Variants in SMARCA2 observed in about 807,000 individuals in gnomAD.
SMARCA2 encodes SWI/SNF related BAF chromatin remodeling complex subunit ATPase 2.
A neutral mutation model predicts 199.8 loss-of-function variants in SMARCA2; 61 were observed. The observed-to-expected ratio is 0.31, with a 90% CI of 0.25 to 0.38. The LOEUF is 0.38. Ranked by LOEUF, SMARCA2 falls within the 10% of genes least tolerant of loss-of-function variation. The probability of loss-of-function intolerance (pLI) is 1.00; values close to 1 mark genes in which losing one functional copy is unlikely to be tolerated. For missense variants in SMARCA2, 1,344 were observed against 2,012.2 expected (o/e 0.67, Z 6.35); for synonymous variants, 935 against 732.0 (o/e 1.28, Z -4.48).
At chr9:2,050,610 G>A (rs949644203) in intron 5 of SMARCA2, among the ~76,000 whole-genome samples, 1 of 151,590 alleles carries the variant, frequency 6.6e-6, no homozygotes, top group Non-Finnish European at 1.5e-5. Context: ...AGCAGGCATA[G>A]GCTGCTTACC....
At chr9:2,180,516 T>G (rs1826950390) in intron 29 of SMARCA2, among the ~76,000 whole-genome samples, 2 of 152,200 alleles carry the variant, frequency 1.3e-5, no homozygotes, top group East Asian at 1.9e-4. Flanking sequence ...TAGAATCACC[T>G]TCTGAAATTT....
chr9:2,160,154 G>T, intron 27 of SMARCA2: 1 of 511,838 alleles, frequency 2.0e-6, no homozygotes, highest in Non-Finnish European at 3.4e-6. Context: ...AGTGTGTTTA[G>T]CTGTATAGTG....
intron 28 of SMARCA2, among the ~76,000 whole-genome samples, chr9:2,162,147 T>C (rs923604905): frequency 8.5e-5 from 13 of 152,304 alleles, no homozygotes; most frequent in African/African-American, 3.1e-4. Flanking sequence ...GTTTAAAATA[T>C]CTAAATTAGA....
chr9:2,078,656 A>G (rs1259939889), intron 14 of SMARCA2, among the ~76,000 whole-genome samples: 1 of 151,800 alleles, frequency 6.6e-6, no homozygotes, highest in East Asian at 2.0e-4. Context: ...TAAAAATTAA[A>G]AAAGGAGGCC....
rs1460491864 is a variant in SMARCA2 at position 2,169,305 on chromosome 9, A to G, written c.4200-1114A>G. ...TGAGGCACCTAACTTGTCATTTCAT[A>G]TTGTAACTTTAGAACTCTTCACAGC... On this transcript the variant is annotated intron_variant, in intron 28 of 33. Transcript: ENST00000349721. This position sits in a 1 kb window ranked among gnomAD's most constrained non-coding sequence, Gnocchi z 6.5. Among the ~76,000 whole-genome samples, 2 of 152,170 alleles carry G rather than the reference A, an allele frequency of 1.3e-5. No homozygotes were observed. The highest frequency in any genetic ancestry group is 2.4e-5 in the African/African-American group (1 of 41,514).
At chr9:2,027,792 G>C (rs1384854754) in intron 1 of SMARCA2, 2 of 152,268 alleles carry the variant, frequency 1.3e-5, no homozygotes, top group Non-Finnish European at 2.9e-5. Context: ...AAATCACTTA[G>C]GGTATGTCAT....
chr9:2,184,628 C>G (rs7871422), intron 31 of SMARCA2, among the ~76,000 whole-genome samples: 21,524 of 152,062 alleles, frequency 0.14, 1,638 homozygotes, highest in South Asian at 0.26. Context: ...GCTAGGATTA[C>G]AGGTGTGAGT....
chr9:2,016,846 C>G lies in SMARCA2; in HGVS notation c.-37+1442C>G, dbSNP rs1280800065. Among the ~76,000 whole-genome samples the G allele has an allele frequency of 2.0e-5, 3 of 152,214 alleles. No individual in the cohort carries two copies. Among genetic ancestry groups the G allele is most frequent in the African/African-American group, 7.2e-5 (3 of 41,460 alleles). Reference sequence around the variant, plus strand: ...CCACCCGGCCGTCTTCCCTTCCTCCCGTTTGCGTTGCAAAACACGGCCATG... The same window carrying G: ...CCACCCGGCCGTCTTCCCTTCCTCCGGTTTGCGTTGCAAAACACGGCCATG... On this transcript the variant is annotated intron_variant, in intron 1 of 33. Transcript: ENST00000349721. This position sits in a 1 kb window ranked among gnomAD's most constrained non-coding sequence, Gnocchi z 5.6.
In SMARCA2 at chr9:2,016,100, T is replaced by G. The variant is rs1317860991; in HGVS notation, c.-37+696T>G. ...TGAGCGGATCGCAGCGGGAGAAGCC[T>G]GAGCTGACGCGCGAAGGAGGTAGCG... is the stretch of plus-strand genomic sequence containing the variant. On this transcript the variant is annotated intron_variant, in intron 1 of 33. Coordinates refer to ENST00000349721, the MANE Select transcript of SMARCA2 (RefSeq NM_003070.5). This position sits in a 1 kb window ranked among gnomAD's most constrained non-coding sequence, Gnocchi z 5.6. The G allele has an allele frequency of 2.0e-5, 3 of 152,262 alleles. No individual in the cohort carries two copies. Among genetic ancestry groups the G allele is most frequent in the African/African-American group, 7.2e-5 (3 of 41,442 alleles). The allele number at this position is 152,262 out of a possible 1,614,324, so 9.4% of individuals were successfully genotyped here.
At chr9:2,062,097 G>T (rs1016037339) in intron 9 of SMARCA2, among the ~76,000 whole-genome samples, 3 of 152,154 alleles carry the variant, frequency 2.0e-5, no homozygotes, top group Non-Finnish European at 4.4e-5. Context: ...GAACATATAC[G>T]TAAGGGGGGA....
At chr9:2,143,318 C>G (rs1397608499) in intron 27 of SMARCA2, among the ~76,000 whole-genome samples, 1 of 152,158 alleles carries the variant, frequency 6.6e-6, no homozygotes, top group East Asian at 1.9e-4. Context: ...AAAAATGAGG[C>G]TAGGGCCAGA....
intron 31 of SMARCA2, among the ~76,000 whole-genome samples, chr9:2,183,538 A>G (rs1827207770): frequency 6.6e-6 from 1 of 152,238 alleles, no homozygotes; most frequent in Admixed American, 6.5e-5. Flanking sequence ...ACAAAGATGT[A>G]CCCCTCAACC....
At chr9:2,034,778 G>A (rs1819248653) in intron 3 of SMARCA2, among the ~76,000 whole-genome samples, 1 of 152,100 alleles carries the variant, frequency 6.6e-6, no homozygotes, top group African/African-American at 2.4e-5. Context: ...ACAGGCTTTT[G>A]AACATCCCAG....
chr9:2,164,794 G>A (rs1422470760), intron 28 of SMARCA2, among the ~76,000 whole-genome samples: 4 of 151,858 alleles, frequency 2.6e-5, no homozygotes, highest in Non-Finnish European at 5.9e-5. Context: ...TGTTTTATTT[G>A]CTTACTTACT....
rs567201346 is a variant in SMARCA2 at position 2,157,808 on chromosome 9, C to T, written c.3982-3878C>T. 5 of 398,094 alleles carry T rather than the reference C, an allele frequency of 1.3e-5. No homozygotes were observed. In the South Asian group the frequency reaches 3.8e-4, roughly 31 times the overall value. 24.7% of individuals were successfully genotyped at this position (398,094 alleles called of 1,614,324 possible). On this transcript the variant is annotated intron_variant, in intron 27 of 33. Coordinates refer to ENST00000349721, the MANE Select transcript of SMARCA2 (RefSeq NM_003070.5). ...TGATACTGTGAACCACGCATAACAG[C>T]AATTCTTTACACCACCGGGTTGAGA...
In SMARCA2 at chr9:2,039,668, T is replaced by C. The variant is rs1056572035; in HGVS notation, c.558T>C (p.Ile186=). 2 of 1,614,102 alleles carry C rather than the reference T, an allele frequency of 1.2e-6. No homozygotes were observed. Among genetic ancestry groups the C allele is most frequent in the Admixed American group, 1.7e-5 (1 of 60,018 alleles). The change falls in exon 4 of 34, where the codon ATT becomes ATC. Residue 186 remains isoleucine (I), a synonymous_variant. Coordinates refer to ENST00000349721, the MANE Select transcript of SMARCA2 (RefSeq NM_003070.5). This position sits in a 1 kb window ranked among gnomAD's most constrained non-coding sequence, Gnocchi z 4.8. ...PVQLHQLRAQ[I]LAYKMLARGQ... ...AGCTGCATCAGCTTCGAGCTCAGAT[T>C]TTAGCTTATAAAATGCTGGCCCGAG...
intron 1 of SMARCA2, among the ~76,000 whole-genome samples, chr9:2,027,408 C>T (rs1221108047): frequency 6.6e-6 from 1 of 151,820 alleles, no homozygotes. Flanking sequence ...CTACTGTCCT[C>T]CAGCCTGGGC....
chr9:2,073,246 C>T lies in SMARCA2; in HGVS notation c.1781C>T (p.Pro594Leu). ...IDESSQMSDL[P>L]VKVTHTETGK... The stretch of plus-strand genomic sequence containing the variant: ...GAGAGCAGCCAGATGAGTGACCTCC[C>T]TGTCAAAGTGACTCACACAGAAACC... Residue 594 changes from proline to leucine, a missense_variant, in exon 11 of 34, where the codon CCT becomes CTT. Pro to Leu is a moderately conservative substitution (Grantham distance 98, BLOSUM62 -3). Transcript: ENST00000349721. The T allele has an allele frequency of 6.2e-7, 1 of 1,614,198 alleles. No homozygotes were observed. The highest frequency in any genetic ancestry group is 1.1e-5 in the South Asian group (1 of 91,088).
At chr9:2,182,055 G>A (rs1827071062) in intron 30 of SMARCA2, 86 bp from the exon 31 acceptor site, 6 of 905,426 alleles carry the variant, frequency 6.6e-6, no homozygotes, top group Non-Finnish European at 9.2e-6. Flanking sequence ...AAGACAAAGG[G>A]AAAATCAGGC....
Sources: allele counts gnomAD v4.1 joint callset (sites outside exome capture counted in the v4.1 genomes callset), GRCh38; gene constraint gnomAD v4.1.1; non-coding constraint Gnocchi (gnomAD v3.1); transcripts MANE v1.5; gene names NCBI Gene and HGNC (gene_info 2026-07-23, HGNC 2026-07-21).